The following ZNF689 variants were observed in gnomAD, a reference collection of about 807,000 sequenced individuals.
The protein encoded by ZNF689 is short ORF-encoded histone-binding protein.
Under a neutral mutation model 37.2 loss-of-function variants are expected in ZNF689, and 14 were observed. The observed-to-expected ratio is 0.38, with a 90% CI of 0.25 to 0.59. The LOEUF is 0.59. ZNF689 is among the 20% of genes least tolerant of loss of function. The pLI is 0.68. For missense variants in ZNF689, 573 were observed against 700.2 expected (o/e 0.82, Z 2.05); for synonymous variants, 277 against 283.3 (o/e 0.98, Z 0.22).
chr16:30,604,351 C>G lies in ZNF689; in HGVS notation c.1416G>C (p.Leu472=). 1 of 1,613,660 alleles carries G rather than the reference C, an allele frequency of 6.2e-7. No homozygotes were observed. The highest frequency in any genetic ancestry group is 8.5e-7 in the Non-Finnish European group (1 of 1,179,832). ...CCTTGGGGCTACACTTGTGGACAGC[C>G]AGAGACCACCTCTGGCGGAAGCACC... ...CGRCFRQRWS[L]AVHKCSPKAP... is the part of the protein sequence containing the mutation. Residue 472 remains leucine (L), a synonymous_variant, in exon 3 of 3, where the codon CTG becomes CTC. Transcript: ENST00000287461. The surrounding 1 kb of genome is among the most constrained non-coding windows in gnomAD (Gnocchi z 5.2).
chr16:30,609,704 C>T (rs1203950417), intron 1 of ZNF689, 66 bp from the exon 2 acceptor site: 9 of 1,605,696 alleles, frequency 5.6e-6, no homozygotes, highest in Non-Finnish European at 7.7e-6. Context: ...TCCCCGACGG[C>T]ACCTCCTGCT....
chr16:30,609,410 G>T (rs1277974141), intron 2 of ZNF689, 115 bp downstream of exon 2: 5 of 805,076 alleles, frequency 6.2e-6, no homozygotes, highest in Non-Finnish European at 1.0e-5. Context: ...CTGGGAAGAT[G>T]AATATACTAA....
Position 30,604,464 on chromosome 16 carries a change from A to C in ZNF689, c.1303T>G (p.Ser435Ala). ...GERPYACDLC[S>A]KRFAQWSHLA... ...TGGCTCCACTGAGCAAAACGCTTGG[A>C]GCAAAGGTCGCAGGCATAGGGCCGC... The change falls in exon 3 of 3, where the codon TCC becomes GCC. Residue 435 changes from serine to alanine, a missense_variant. Ser to Ala is a moderately conservative substitution (Grantham distance 99, BLOSUM62 1). Coordinates refer to ENST00000287461, the MANE Select transcript of ZNF689 (RefSeq NM_138447.3). The surrounding 1 kb of genome is among the most constrained non-coding windows in gnomAD (Gnocchi z 5.2). The C allele has an allele frequency of 1.9e-6, 3 of 1,610,410 alleles. No homozygotes were observed. Among genetic ancestry groups the C allele is most frequent in the Non-Finnish European group, 2.5e-6 (3 of 1,178,478 alleles).
At position 30,605,759 on chromosome 16, in the gene ZNF689, A is replaced by G. The variant is rs540440128; in HGVS notation, c.320-312T>C. Among the ~76,000 whole-genome samples, 15 of 152,254 alleles carry G rather than the reference A, an allele frequency of 9.9e-5. No homozygotes were observed. The East Asian group carries it at 2.3e-3, about 24-fold the overall frequency. On this transcript the variant is annotated intron_variant, in intron 2 of 2. Coordinates refer to ENST00000287461, the MANE Select transcript of ZNF689 (RefSeq NM_138447.3). The surrounding 1 kb of genome is among the most constrained non-coding windows in gnomAD (Gnocchi z 5.1). ...CAGATCACAAGGTCAGGAGTTTGAG[A>G]GCAGCCTGACCAACATGGTGAAACC...
At position 30,610,274 on chromosome 16, in the gene ZNF689, G is replaced by A. The variant is rs912819341; in HGVS notation, c.-233C>T. Reference sequence around the variant, plus strand: ...ACCGGAAGATGCCTTCGGGGAAAATGGCGGCGCTGCTACCGCACCGCCTTT... The same window carrying A: ...ACCGGAAGATGCCTTCGGGGAAAATAGCGGCGCTGCTACCGCACCGCCTTT... On this transcript the variant is annotated 5_prime_UTR_variant, in exon 1 of 3. Transcript: ENST00000287461. 3.6e-6 allele frequency: 2 copies of A among 562,992 alleles called. No individual in the cohort carries two copies. Among genetic ancestry groups the A allele is most frequent in the African/African-American group, 3.9e-5 (2 of 51,856 alleles). The allele number at this position is 562,992 out of a possible 1,614,324, so 34.9% of individuals were successfully genotyped here. A position where few individuals can be genotyped will look rare whatever the true frequency, so the allele number is the denominator to read the frequency against.
Position 30,609,919 on chromosome 16 carries a change from C to T in ZNF689, c.123G>A (p.Glu41=). The part of the protein sequence containing the change: ...FVDVAVYFSP[E]EWGCLRPAQR... ...GCGCGGGCCGCAGGCAGCCCCACTC[C>T]TCCGGGGAGAAGTACACGGCCACGT... Residue 41 remains glutamate (E), a synonymous_variant, in exon 1 of 3, where the codon GAG becomes GAA. Transcript: ENST00000287461. 2 of 1,612,766 alleles carry T rather than the reference C, an allele frequency of 1.2e-6. No individual in the cohort carries two copies. Among genetic ancestry groups the T allele is most frequent in the East Asian group, 4.5e-5 (2 of 44,844 alleles).
intron 2 of ZNF689, among the ~76,000 whole-genome samples, chr16:30,607,177 A>G (rs1000208497): frequency 1.5e-5 from 2 of 130,170 alleles, no homozygotes; most frequent in Admixed American, 9.3e-5. Flanking sequence ...TGATCCTGGG[A>G]GGCGGAGGTT....
Position 30,606,641 on chromosome 16 carries a change from C to T in ZNF689, c.320-1194G>A, listed in dbSNP as rs574957139. ...TCAGCCTCCTAAGTAGCTGGGATTA[C>T]AGGCATGCACCACTATGCCCAGCTA... On this transcript the variant is annotated intron_variant, in intron 2 of 2. Coordinates refer to ENST00000287461, the MANE Select transcript of ZNF689 (RefSeq NM_138447.3). Among the ~76,000 whole-genome samples the T allele has an allele frequency of 2.0e-4, 31 of 152,100 alleles. 1 individual carries two copies. The highest frequency in any genetic ancestry group is 7.5e-4 in the African/African-American group (31 of 41,494).
chr16:30,605,291 G>C lies in ZNF689; in HGVS notation c.476C>G (p.Pro159Arg). 6.2e-7 allele frequency: 1 copy of C among 1,611,126 alleles called. No homozygotes were observed. ...PICPDCGCTF[P>R]DHQALESHKC... ...GTGGCTCTCCAGGGCCTGATGATCA[G>C]GGAAGGTACAGCCGCAGTCAGGGCA... is the stretch of plus-strand genomic sequence containing the variant. The change falls in exon 3 of 3, where the codon CCT becomes CGT. Residue 159 changes from proline (P) to arginine (R), a missense_variant. By Grantham distance (103) the Pro-to-Arg change is moderately radical (BLOSUM62 -2). This residue lies in a region of ZNF689 where 252 missense variants were observed against 313.3 expected (regional missense o/e 0.80). Coordinates refer to ENST00000287461, the MANE Select transcript of ZNF689 (RefSeq NM_138447.3). The surrounding 1 kb of genome is among the most constrained non-coding windows in gnomAD (Gnocchi z 5.1).
rs1164616523 is a variant in ZNF689, at chr16:30,605,758, G to C, written c.320-311C>G. 1.3e-5 allele frequency among the ~76,000 whole-genome samples: 2 copies of C among 152,146 alleles called. No individual in the cohort carries two copies. Among genetic ancestry groups the C allele is most frequent in the South Asian group, 2.1e-4 (1 of 4,826 alleles). ...GCAGATCACAAGGTCAGGAGTTTGA[G>C]AGCAGCCTGACCAACATGGTGAAAC... On this transcript the variant is annotated intron_variant, in intron 2 of 2. Transcript: ENST00000287461. The surrounding 1 kb of genome is among the most constrained non-coding windows in gnomAD (Gnocchi z 5.1).
chr16:30,608,906 T>C (rs2052061306), intron 2 of ZNF689, among the ~76,000 whole-genome samples: 1 of 152,224 alleles, frequency 6.6e-6, no homozygotes, highest in African/African-American at 2.4e-5. Flanking sequence ...TCTACCTGAA[T>C]GGGGTTAAGC....
chr16:30,610,214 T>C lies in ZNF689; in HGVS notation c.-173A>G. 1 of 766,402 alleles carries C rather than the reference T, an allele frequency of 1.3e-6. No individual in the cohort carries two copies. The highest frequency in any genetic ancestry group is 2.0e-6 in the Non-Finnish European group (1 of 495,120). The allele number at this position is 766,402 out of a possible 1,614,324, so 47.5% of individuals were successfully genotyped here. On this transcript the variant is annotated 5_prime_UTR_variant, in exon 1 of 3. Transcript: ENST00000287461. ...GGCTAACGGAAACCTTTTGCTGTTA[T>C]TCAGGAAACTCCTGCCCGAACTTGG...
chr16:30,604,883 T>C lies in ZNF689; in HGVS notation c.884A>G (p.Asn295Ser). The C allele has an allele frequency of 1.9e-6, 3 of 1,575,856 alleles. No individual in the cohort carries two copies. The highest frequency in any genetic ancestry group is 2.7e-5 in the African/African-American group (2 of 74,040). The change falls in exon 3 of 3, where the codon AAC becomes AGC. Residue 295 changes from asparagine to serine, a missense_variant. By Grantham distance (46) the Asn-to-Ser change is conservative (BLOSUM62 1). Transcript: ENST00000287461. The surrounding 1 kb of genome is among the most constrained non-coding windows in gnomAD (Gnocchi z 5.2). Reference sequence around the variant, plus strand: ...GGCCGTGCGCTGGCGGAAGCGGCGGTTGCACTCGAGGCAAGTGTAGGGCTT... The same window carrying C: ...GGCCGTGCGCTGGCGGAAGCGGCGGCTGCACTCGAGGCAAGTGTAGGGCTT... ...GEKPYTCLEC[N>S]RRFRQRTALV...
chr16:30,604,470 G>T lies in ZNF689; in HGVS notation c.1297C>A (p.Leu433Ile), dbSNP rs114724275. Residue 433 changes from leucine (L) to isoleucine (I), a missense_variant, in exon 3 of 3, where the codon CTT becomes ATT. Around this residue, in one of 3 missense-constraint regions of ZNF689, gnomAD observed 317 missense variants for 367.1 expected, o/e 0.86. Transcript: ENST00000287461. The surrounding 1 kb of genome is among the most constrained non-coding windows in gnomAD (Gnocchi z 5.2). ...CACTGAGCAAAACGCTTGGAGCAAA[G>T]GTCGCAGGCATAGGGCCGCTCGCCC... ...HSGERPYACD[L>I]CSKRFAQWSH... 1 of 1,609,396 alleles carries T rather than the reference G, an allele frequency of 6.2e-7. No homozygotes were observed. Among genetic ancestry groups the T allele is most frequent in the Non-Finnish European group, 8.5e-7 (1 of 1,178,022 alleles).
rs145739917 is a variant in ZNF689 at position 30,606,762 on chromosome 16, A to G, written c.320-1315T>C. 1.1e-4 allele frequency among the ~76,000 whole-genome samples: 16 copies of G among 152,166 alleles called. No individual in the cohort carries two copies. The East Asian group carries it at 2.9e-3, about 28-fold the overall frequency. On this transcript the variant is annotated intron_variant, in intron 2 of 2. Transcript: ENST00000287461. ...GGTTATCTGCTCACCTCTATCTCCCAAAGTGACTACAGGCGTGAGCCACCA... is the reference window on the plus strand; with the variant it reads ...GGTTATCTGCTCACCTCTATCTCCCGAAGTGACTACAGGCGTGAGCCACCA...
chr16:30,608,451 TG>T (rs1290011483), intron 2 of ZNF689: 2 of 152,136 alleles, frequency 1.3e-5, no homozygotes, highest in Non-Finnish European at 1.5e-5. Context: ...GGCTAATTTT[TG>T]TATTTTTTTA....
intron 2 of ZNF689, among the ~76,000 whole-genome samples, chr16:30,607,669 A>G (rs891968233): frequency 2.0e-5 from 3 of 151,678 alleles, no homozygotes; most frequent in Admixed American, 1.3e-4. Context: ...TCTTAGACAC[A>G]AAGTGTAAAA....
rs1034149625 is a variant in ZNF689, at chr16:30,602,917, T to C, written c.*1347A>G. 3.3e-5 allele frequency: 5 copies of C among 152,180 alleles called. No individual in the cohort carries two copies. Among genetic ancestry groups the C allele is most frequent in the African/African-American group, 1.2e-4 (5 of 41,430 alleles). 9.4% of individuals were successfully genotyped at this position (152,180 alleles called of 1,614,324 possible). On this transcript the variant is annotated 3_prime_UTR_variant, in exon 3 of 3. Transcript: ENST00000287461. ...ACCTACCCAGTGGGTGCCATGGAGG[T>C]GGATCAGATTGAGCCACGCTGCTGC...
At chr16:30,606,654 C>T (rs2052039313) in intron 2 of ZNF689, among the ~76,000 whole-genome samples, 1 of 152,146 alleles carries the variant, frequency 6.6e-6, no homozygotes, top group Admixed American at 6.6e-5. Context: ...GCATGCACCA[C>T]TATGCCCAGC....
Sources: gnomAD v4.1 joint callset for allele counts (sites outside exome capture counted in the v4.1 genomes callset) on GRCh38, gnomAD v4.1.1 for gene constraint, gnomAD v4.1.1 regional missense constraint, Gnocchi (gnomAD v3.1) non-coding constraint, MANE v1.5 for transcripts, NCBI Gene and HGNC (gene_info 2026-07-23, HGNC 2026-07-21) for gene names.